Variants in VPS13C observed in about 807,000 individuals in gnomAD.
VPS13C encodes the protein vacuolar protein sorting 13 homolog C, also known as intermembrane lipid transfer protein VPS13C.
In VPS13C, 358 loss-of-function variants were observed where a neutral mutation model predicts 456.8. The observed-to-expected ratio is 0.78, with a 90% CI of 0.72 to 0.86. VPS13C has a LOEUF of 0.86. Ranked by LOEUF, VPS13C falls within the 40% of genes least tolerant of loss-of-function variation. The probability of loss-of-function intolerance (pLI) is 0.00; values close to 1 mark genes in which losing one functional copy is unlikely to be tolerated. For missense variants in VPS13C, 4,818 were observed against 4,385.4 expected (o/e 1.10, Z -2.79); for synonymous variants, 1,578 against 1,486.7 (o/e 1.06, Z -1.41).
At chr15:61,877,264 G>A (rs1895491606) in intron 74 of VPS13C, among the ~76,000 whole-genome samples, 1 of 151,800 alleles carries the variant, frequency 6.6e-6, no homozygotes, top group South Asian at 2.1e-4. Context: ...TGCATAAAGA[G>A]TTCTTTAAAA....
At chr15:61,869,688 C>A in intron 79 of VPS13C, 65 bp from the exon 80 acceptor site, 1 of 1,600,278 alleles carries the variant, frequency 6.2e-7, no homozygotes, top group Non-Finnish European at 8.5e-7. Flanking sequence ...TGAGCTCAAC[C>A]AAAACCTGGG....
chr15:62,033,575 A>G (rs1466606365), intron 4 of VPS13C, 33 bp from the exon 5 acceptor site: 2 of 1,432,520 alleles, frequency 1.4e-6, no homozygotes, highest in Non-Finnish European at 1.9e-6. Flanking sequence ...CACAAAAATA[A>G]ATGGAATTAA....
intron 42 of VPS13C, among the ~76,000 whole-genome samples, chr15:61,947,898 G>A (rs2044660105): frequency 6.6e-6 from 1 of 152,172 alleles, no homozygotes; most frequent in African/African-American, 2.4e-5. Context: ...TAATGTATAT[G>A]CACGCAGGTG....
rs977418271 is a variant in VPS13C at position 61,867,641 on chromosome 15, G to A, written c.10863+1018C>T. The A allele has an allele frequency of 1.7e-6, 2 of 1,180,496 alleles. No individual in the cohort carries two copies. The highest frequency in any genetic ancestry group is 2.1e-6 in the Non-Finnish European group (2 of 953,656). The allele number at this position is 1,180,496 out of a possible 1,614,324, so 73.1% of individuals were successfully genotyped here. On this transcript the variant is annotated intron_variant, in intron 81 of 84. Coordinates refer to ENST00000644861, the MANE Select transcript of VPS13C (RefSeq NM_020821.3). The surrounding 1 kb of genome is among the most constrained non-coding windows in gnomAD (Gnocchi z 5.0). The stretch of plus-strand genomic sequence containing the variant: ...TTTCGAAATGATAGTAACAGTATCT[G>A]CTTCTGAGCTCAATAAAGGCTTTCA...
rs1487810821 is a variant in VPS13C, at chr15:61,964,949, G to A, written c.3052-88C>T. Reference sequence around the variant, plus strand: ...ACAGACCCAAAAGATTCTCAGGTGGGCTTACATCATTGCTTTCCACCACTC... The same window carrying A: ...ACAGACCCAAAAGATTCTCAGGTGGACTTACATCATTGCTTTCCACCACTC... On this transcript the variant is annotated intron_variant, in intron 30 of 84. Coordinates refer to ENST00000644861, the MANE Select transcript of VPS13C (RefSeq NM_020821.3). 12 of 1,250,910 alleles carry A rather than the reference G, an allele frequency of 9.6e-6. No homozygotes were observed. The South Asian group carries it at 1.1e-4, about 12-fold the overall frequency. 77.5% of individuals were successfully genotyped at this position (1,250,910 alleles called of 1,614,324 possible).
intron 15 of VPS13C, among the ~76,000 whole-genome samples, chr15:62,006,570 T>C (rs1218874532): frequency 6.6e-6 from 1 of 152,222 alleles, no homozygotes; most frequent in Non-Finnish European, 1.5e-5. Context: ...AACATATGTG[T>C]GCATGTGTCT....
intron 47 of VPS13C, among the ~76,000 whole-genome samples, chr15:61,937,491 T>C (rs1368850536): frequency 6.6e-6 from 1 of 152,132 alleles, no homozygotes; most frequent in East Asian, 1.9e-4. Flanking sequence ...CTTTTCTTTT[T>C]TGAGATGGAG....
chr15:61,947,042 T>A, intron 43 of VPS13C, 151 bp downstream of exon 43: 1 of 526,756 alleles, frequency 1.9e-6, no homozygotes. Context: ...AATTTACTTG[T>A]AACATTTTAA....
At chr15:62,003,022 T>C (rs377289515) in intron 15 of VPS13C, among the ~76,000 whole-genome samples, 6 of 152,186 alleles carry the variant, frequency 3.9e-5, no homozygotes, top group Non-Finnish European at 5.9e-5. Flanking sequence ...TGGTTCCATA[T>C]GAACTTTAAA....
At chr15:61,888,350 C>T (rs1338048018) in intron 67 of VPS13C, among the ~76,000 whole-genome samples, 2 of 152,136 alleles carry the variant, frequency 1.3e-5, no homozygotes, top group South Asian at 2.1e-4. Context: ...TTGGCACTTA[C>T]CCCAAAGCAG....
chr15:61,856,367 C>G lies in VPS13C; in HGVS notation c.10995G>C (p.Met3665Ile). ...CAAATGGACATTGCCAGTCTACACACATAAGGCCCAGGATTTCAACTTCCT... is the reference window on the plus strand; with the variant it reads ...CAAATGGACATTGCCAGTCTACACAGATAAGGCCCAGGATTTCAACTTCCT... ...CIKEVEILGL[M>I]CVDWQCPFED... The change falls in exon 83 of 85, where the codon ATG (methionine) becomes ATC (isoleucine). Residue 3665 changes from methionine to isoleucine, a missense_variant. By Grantham distance (10) the Met-to-Ile change is conservative. Coordinates refer to ENST00000644861, the MANE Select transcript of VPS13C (RefSeq NM_020821.3). The G allele has an allele frequency of 6.2e-7, 1 of 1,613,316 alleles. No individual in the cohort carries two copies.
chr15:61,909,001 T>G lies in VPS13C; in HGVS notation c.8969A>C (p.Tyr2990Ser). The G allele has an allele frequency of 6.2e-7, 1 of 1,613,888 alleles. No individual in the cohort carries two copies. The highest frequency in any genetic ancestry group is 8.5e-7 in the Non-Finnish European group (1 of 1,179,888). The change falls in exon 65 of 85, where the codon TAC (tyrosine) becomes TCC (serine). Residue 2990 changes from tyrosine to serine, a missense_variant. This residue lies in a region of VPS13C where 4,552 missense variants were observed against 4,130.6 expected (regional missense o/e 1.10). Coordinates refer to ENST00000644861, the MANE Select transcript of VPS13C (RefSeq NM_020821.3). ...MNHTPWDILT[Y>S]KQSGSPEEMV... Reference sequence around the variant, plus strand: ...CCCTTTTTTCTCATACCTCTGTTTGTATGTGAGGATGTCCCATGGTGTATG... The same window carrying G: ...CCCTTTTTTCTCATACCTCTGTTTGGATGTGAGGATGTCCCATGGTGTATG...
At chr15:62,008,203 C>A (rs2046917506) in intron 14 of VPS13C, among the ~76,000 whole-genome samples, 1 of 151,946 alleles carries the variant, frequency 6.6e-6, no homozygotes, top group Admixed American at 6.6e-5. Flanking sequence ...CGCACCCCAG[C>A]CTGGGTGACA....
intron 52 of VPS13C, among the ~76,000 whole-genome samples, chr15:61,926,462 G>C (rs560306987): frequency 6.6e-6 from 1 of 152,116 alleles, no homozygotes; most frequent in Non-Finnish European, 1.5e-5. Flanking sequence ...GTATAAAGAC[G>C]ATCCTGTCAA....
chr15:62,011,981 C>T, intron 12 of VPS13C, 126 bp downstream of exon 12: 1 of 580,380 alleles, frequency 1.7e-6, no homozygotes, highest in Non-Finnish European at 3.0e-6. Flanking sequence ...CATGTTGTAT[C>T]ATAATAGTAA....
At chr15:61,907,829 A>C (rs1235133423) in intron 65 of VPS13C, among the ~76,000 whole-genome samples, 1 of 152,194 alleles carries the variant, frequency 6.6e-6, no homozygotes, top group Non-Finnish European at 1.5e-5. Flanking sequence ...ATCATATTGC[A>C]CTACAGCCTC....
Position 61,949,537 on chromosome 15 carries a change from T to C in VPS13C, c.4665A>G (p.Ser1555=). ...AAGGCTCAGAGAATGGAGCAGCAGA[T>C]GATAAAAAATCCATGAAGGAAAGTA... ...EALLSFMDFL[S]SAAPFSEPSS... The change falls in exon 42 of 85, where the codon TCA becomes TCG. Residue 1555 remains serine (S), a synonymous_variant. Coordinates refer to ENST00000644861, the MANE Select transcript of VPS13C (RefSeq NM_020821.3). 6.2e-7 allele frequency: 1 copy of C among 1,613,038 alleles called. No individual in the cohort carries two copies. The highest frequency in any genetic ancestry group is 8.5e-7 in the Non-Finnish European group (1 of 1,179,780).
chr15:62,033,509 G>A lies in VPS13C; in HGVS notation c.317C>T (p.Ser106Phe), dbSNP rs1358364995. Residue 106 changes from serine (S) to phenylalanine (F), a missense_variant, in exon 5 of 85, where the codon TCC becomes TTC. Physicochemically the swap from Ser to Phe is radical, Grantham distance 155. Around this residue, in one of 3 missense-constraint regions of VPS13C, gnomAD observed 4,552 missense variants for 4,130.6 expected, o/e 1.10. Coordinates refer to ENST00000644861, the MANE Select transcript of VPS13C (RefSeq NM_020821.3). ...IKYDAVKEEKSLQDVKQKELS... is the reference protein window; with the variant it reads ...IKYDAVKEEKFLQDVKQKELS... ...CTCTTTCTGTTTAACATCCTGCAAG[G>A]ATTTTTCTTCTTTTACAGCATCATA... The A allele has an allele frequency of 4.4e-6, 7 of 1,606,288 alleles. No homozygotes were observed. The highest frequency in any genetic ancestry group is 6.0e-6 in the Non-Finnish European group (7 of 1,175,866).
rs1312625054 is a variant in VPS13C at position 61,911,891 on chromosome 15, T to A, written c.8664A>T (p.Ala2888=). The A allele has an allele frequency of 1.9e-6, 3 of 1,612,618 alleles. No individual in the cohort carries two copies. The East Asian group carries it at 6.7e-5, about 36-fold the overall frequency. The part of the protein sequence containing the change: ...SSLELEVGEI[A]SDGSMPTNKW... ...TATTAGTTGGCATTGAGCCATCAGA[T>A]GCAATCTCGCCAACTTCTAGTTCTA... The change falls in exon 63 of 85, where the codon GCA becomes GCT. Residue 2888 remains alanine (A), a synonymous_variant. Coordinates refer to ENST00000644861, the MANE Select transcript of VPS13C (RefSeq NM_020821.3).
Sources: gnomAD v4.1 joint callset for allele counts (sites outside exome capture counted in the v4.1 genomes callset) on GRCh38, gnomAD v4.1.1 for gene constraint, gnomAD v4.1.1 regional missense constraint, Gnocchi (gnomAD v3.1) non-coding constraint, MANE v1.5 for transcripts, NCBI Gene and HGNC (gene_info 2026-07-23, HGNC 2026-07-21) for gene names.